Variants in BAIAP2L1 observed in about 807,000 individuals in gnomAD.
The protein encoded by BAIAP2L1 is BAR/IMD domain-containing adapter protein 2-like 1.
Under a neutral mutation model 66.3 loss-of-function variants are expected in BAIAP2L1, and 35 were observed. The observed-to-expected ratio is 0.53, with a 90% CI of 0.40 to 0.70. BAIAP2L1 has a LOEUF of 0.70. Among genes scored for constraint, BAIAP2L1 ranks in the 30% least tolerant of loss-of-function variants. The pLI is 0.00. For missense variants in BAIAP2L1, 622 were observed against 656.9 expected (o/e 0.95, Z 0.58); for synonymous variants, 269 against 248.7 (o/e 1.08, Z -0.77).
At position 98,310,461 on chromosome 7, in the gene BAIAP2L1, C is replaced by G. The variant is rs1342721267; in HGVS notation, c.939G>C (p.Arg313Ser). The change falls in exon 9 of 14, where the codon AGG becomes AGC. Residue 313 changes from arginine to serine, a missense_variant. Arg to Ser is a moderately radical substitution (Grantham distance 110). Coordinates refer to ENST00000005260, the MANE Select transcript of BAIAP2L1 (RefSeq NM_018842.5). ...NPATAAPNSQ[R>S]VNNSTGTSED... ...ATCTCTTACCTGTTGAATTATTTAC[C>G]CTTTGTGAATTCGGGGCAGCCGTGG... 33 of 1,597,098 alleles carry G rather than the reference C, an allele frequency of 2.1e-5. No homozygotes were observed. The highest frequency in any genetic ancestry group is 2.6e-5 in the Non-Finnish European group (30 of 1,174,336).
chr7:98,360,595 C>G (rs1802247709), intron 2 of BAIAP2L1, among the ~76,000 whole-genome samples: 1 of 151,348 alleles, frequency 6.6e-6, no homozygotes, highest in East Asian at 1.9e-4. Context: ...ACTGGCTCAC[C>G]TTGTAAAACT....
intron 2 of BAIAP2L1, among the ~76,000 whole-genome samples, chr7:98,360,882 G>C (rs1295473606): frequency 6.6e-6 from 1 of 152,180 alleles, no homozygotes; most frequent in African/African-American, 2.4e-5. Flanking sequence ...CGAAAGCACA[G>C]CAAGGCAGAA....
intron 7 of BAIAP2L1, among the ~76,000 whole-genome samples, chr7:98,313,307 G>T (rs1281001216): frequency 6.6e-6 from 1 of 152,066 alleles, no homozygotes; most frequent in South Asian, 2.1e-4. Context: ...GCATAGAAAC[G>T]AGCAGATTTG....
At chr7:98,396,990 T>C (rs1045501196) in intron 1 of BAIAP2L1, among the ~76,000 whole-genome samples, 1 of 152,172 alleles carries the variant, frequency 6.6e-6, no homozygotes, top group Non-Finnish European at 1.5e-5. Flanking sequence ...CAGGAACTGT[T>C]TTAAGTGCTT....
intron 12 of BAIAP2L1, among the ~76,000 whole-genome samples, chr7:98,296,265 G>C (rs1800187760): frequency 6.6e-6 from 1 of 152,232 alleles, no homozygotes; most frequent in Non-Finnish European, 1.5e-5. Flanking sequence ...GGTATACGGA[G>C]TCACATCATG....
chr7:98,364,016 TTC>T (rs942582681), intron 1 of BAIAP2L1, among the ~76,000 whole-genome samples: 4 of 125,144 alleles, frequency 3.2e-5, no homozygotes, highest in Non-Finnish European at 5.8e-5. Context: ...GTTTTGAATA[TTC>T]TTTTTTTTTT....
At chr7:98,328,187 G>A (rs941919559) in intron 3 of BAIAP2L1, among the ~76,000 whole-genome samples, 1 of 152,126 alleles carries the variant, frequency 6.6e-6, no homozygotes, top group African/African-American at 2.4e-5. Context: ...TTAGGAAGAA[G>A]AGCTCATGAG....
intron 12 of BAIAP2L1, among the ~76,000 whole-genome samples, chr7:98,297,837 T>C (rs1800254263): frequency 6.6e-6 from 1 of 152,154 alleles, no homozygotes; most frequent in African/African-American, 2.4e-5. Context: ...CGCTGTGAAA[T>C]GCAGGCTTGC....
At chr7:98,400,746 T>G in intron 1 of BAIAP2L1, 56 bp downstream of exon 1, 1 of 1,537,434 alleles carries the variant, frequency 6.5e-7, no homozygotes, top group Non-Finnish European at 8.8e-7. Context: ...AAAGTCCCCT[T>G]CTGAACCCCG....
At chr7:98,313,704 G>A (rs143766782) in intron 7 of BAIAP2L1, among the ~76,000 whole-genome samples, 6 of 151,774 alleles carry the variant, frequency 4.0e-5, no homozygotes, top group East Asian at 1.9e-4. Context: ...CTGCAACCTC[G>A]AACTCCTGGG....
chr7:98,316,743 T>C (rs1801086293), intron 6 of BAIAP2L1, among the ~76,000 whole-genome samples: 1 of 152,192 alleles, frequency 6.6e-6, no homozygotes, highest in Non-Finnish European at 1.5e-5. Flanking sequence ...ATTGTATGTT[T>C]GGACCCATTA....
chr7:98,319,447 C>T (rs1801179830), intron 5 of BAIAP2L1, among the ~76,000 whole-genome samples: 1 of 152,156 alleles, frequency 6.6e-6, no homozygotes, highest in Non-Finnish European at 1.5e-5. Flanking sequence ...TCTGCATCAG[C>T]TGCAGCGACA....
intron 3 of BAIAP2L1, among the ~76,000 whole-genome samples, chr7:98,344,849 T>C (rs1468361036): frequency 6.6e-6 from 1 of 152,164 alleles, no homozygotes; most frequent in Non-Finnish European, 1.5e-5. Flanking sequence ...GGCAGGAGAA[T>C]CACTTGAACT....
intron 1 of BAIAP2L1, among the ~76,000 whole-genome samples, chr7:98,391,168 T>C (rs1177282733): frequency 6.6e-6 from 1 of 151,852 alleles, no homozygotes; most frequent in Non-Finnish European, 1.5e-5. Context: ...GCAGGAAATC[T>C]GGGGGCATCT....
chr7:98,386,715 T>G (rs2115825839), intron 1 of BAIAP2L1: 1 of 732,202 alleles, frequency 1.4e-6, no homozygotes, highest in Admixed American at 3.2e-5. Context: ...TTTTTTTTTT[T>G]TTGGTGACAG....
chr7:98,307,636 TGGAA>T, intron 10 of BAIAP2L1, 49 bp downstream of exon 10: 2 of 1,603,104 alleles, frequency 1.2e-6, no homozygotes, highest in South Asian at 1.1e-5. Flanking sequence ...TTGGCTGCTC[TGGAA>T]GGGAGGGGCC....
At chr7:98,393,968 G>C (rs935506098) in intron 1 of BAIAP2L1, among the ~76,000 whole-genome samples, 5 of 149,004 alleles carry the variant, frequency 3.4e-5, no homozygotes, top group African/African-American at 1.2e-4. Context: ...GGCCAGGCGC[G>C]GTGGCTCACG....
At chr7:98,370,708 A>G (rs991485927) in intron 1 of BAIAP2L1, among the ~76,000 whole-genome samples, 13 of 151,754 alleles carry the variant, frequency 8.6e-5, no homozygotes, top group African/African-American at 2.9e-4. Flanking sequence ...TCACCATGTT[A>G]GCCAGGATGG....
chr7:98,304,920 C>T (rs1584429218), intron 11 of BAIAP2L1, among the ~76,000 whole-genome samples: 1 of 149,088 alleles, frequency 6.7e-6, no homozygotes, highest in East Asian at 2.0e-4. Flanking sequence ...GGGTGGAGTG[C>T]AGTGGCGCGA....
Sources: gnomAD v4.1 joint callset for allele counts (sites outside exome capture counted in the v4.1 genomes callset) on GRCh38, gnomAD v4.1.1 for gene constraint, MANE v1.5 for transcripts, NCBI Gene and HGNC (gene_info 2026-07-23, HGNC 2026-07-21) for gene names.